The following C8orf34 variants were observed in gnomAD, a reference collection of about 807,000 sequenced individuals.
The protein encoded by C8orf34 is chromosome 8 open reading frame 34.
A neutral mutation model predicts 68.3 loss-of-function variants in C8orf34; 65 were observed. The ratio of observed to expected loss-of-function variants is 0.95; its 90% CI spans 0.78 to 1.17. C8orf34 has a LOEUF of 1.17. Among genes scored for constraint, C8orf34 ranks in the 50% most tolerant of loss-of-function variants. The pLI is 0.00. For synonymous variants in C8orf34, 244 were observed against 241.2 expected (o/e 1.01, Z -0.11); for missense variants, 664 against 655.4 (o/e 1.01, Z -0.14).
At chr8:68,463,440 A>T (rs1811947128) in intron 3 of C8orf34, among the ~76,000 whole-genome samples, 1 of 152,232 alleles carries the variant, frequency 6.6e-6, no homozygotes, top group Non-Finnish European at 1.5e-5. Flanking sequence ...AACTCATTTT[A>T]TGAGGCCAGC....
At chr8:68,503,545 G>A (rs1353460539) in intron 5 of C8orf34, among the ~76,000 whole-genome samples, 1 of 152,104 alleles carries the variant, frequency 6.6e-6, no homozygotes, top group Non-Finnish European at 1.5e-5. Flanking sequence ...TAGATCATAG[G>A]TAGGATGCAG....
At chr8:68,561,755 C>T (rs1197440337) in intron 7 of C8orf34, among the ~76,000 whole-genome samples, 1 of 152,112 alleles carries the variant, frequency 6.6e-6, no homozygotes, top group Admixed American at 6.5e-5. Context: ...AAGACTTCAT[C>T]TCAAAAGAAA....
intron 10 of C8orf34, among the ~76,000 whole-genome samples, chr8:68,743,928 G>C (rs554379428): frequency 6.6e-6 from 1 of 152,316 alleles, no homozygotes; most frequent in South Asian, 2.1e-4. Flanking sequence ...ACCTCTGGGG[G>C]CAGGGCACAG....
intron 1 of C8orf34, among the ~76,000 whole-genome samples, chr8:68,392,162 C>G (rs936136417): frequency 6.6e-6 from 1 of 151,862 alleles, no homozygotes; most frequent in Non-Finnish European, 1.5e-5. Context: ...AATGTTTTCT[C>G]TTATATATTC....
intron 7 of C8orf34, among the ~76,000 whole-genome samples, chr8:68,557,800 G>GA (rs1816299679): frequency 6.6e-6 from 1 of 152,194 alleles, no homozygotes; most frequent in Admixed American, 6.5e-5. Context: ...TAATAACAAA[G>GA]ATGTTTTTCT....
intron 8 of C8orf34, among the ~76,000 whole-genome samples, chr8:68,683,449 C>T (rs531640641): frequency 2.2e-4 from 33 of 151,718 alleles, no homozygotes; most frequent in African/African-American, 7.7e-4. Flanking sequence ...GTACCAACTA[C>T]CTATGTCTCA....
chr8:68,735,380 G>A (rs545777447), intron 10 of C8orf34, among the ~76,000 whole-genome samples: 4 of 152,248 alleles, frequency 2.6e-5, no homozygotes, highest in South Asian at 2.1e-4. Flanking sequence ...TTTTCTTATG[G>A]AGCATTAACG....
rs114759491 is a variant in C8orf34 at position 68,677,281 on chromosome 8, C to G, written c.1242-31713C>G. Among the ~76,000 whole-genome samples, 717 of 152,190 alleles carry G rather than the reference C, an allele frequency of 4.7e-3. 9 individuals carry two copies. The highest frequency in any genetic ancestry group is 0.017 in the African/African-American group (697 of 41,522). ...CCTATGGGATAAAGTGAAAGTGGTA[C>G]TAAGAGGGAAGTTTATAGCTATAAG... On this transcript the variant is annotated intron_variant, in intron 8 of 13. Coordinates refer to ENST00000518698, the MANE Select transcript of C8orf34 (RefSeq NM_052958.4).
At chr8:68,555,145 G>A (rs544860767) in intron 7 of C8orf34, among the ~76,000 whole-genome samples, 2 of 152,010 alleles carry the variant, frequency 1.3e-5, no homozygotes, top group Non-Finnish European at 2.9e-5. Context: ...AGCCCAAAGG[G>A]ATAGTGTGGT....
chr8:68,480,315 G>A (rs1812805211), intron 4 of C8orf34, among the ~76,000 whole-genome samples: 1 of 152,116 alleles, frequency 6.6e-6, no homozygotes, highest in African/African-American at 2.4e-5. Flanking sequence ...TTCACCTCCT[G>A]CCATGGTTCT....
intron 1 of C8orf34, among the ~76,000 whole-genome samples, chr8:68,372,890 G>C (rs753004754): frequency 6.6e-6 from 1 of 152,194 alleles, no homozygotes; most frequent in Non-Finnish European, 1.5e-5. Context: ...GAAGTCAGCT[G>C]ACAAAGGAAA....
intron 4 of C8orf34, among the ~76,000 whole-genome samples, chr8:68,469,670 A>G (rs1005272873): frequency 1.3e-5 from 2 of 151,988 alleles, no homozygotes; most frequent in African/African-American, 4.8e-5. Flanking sequence ...CTTTAGAAGC[A>G]CATTAATGCC....
At chr8:68,485,724 A>T (rs201770122) in intron 4 of C8orf34, among the ~76,000 whole-genome samples, 6 of 147,198 alleles carry the variant, frequency 4.1e-5, no homozygotes, top group Non-Finnish European at 6.0e-5. Context: ...AAAAAAATAA[A>T]AAATAAATAA....
intron 8 of C8orf34, among the ~76,000 whole-genome samples, chr8:68,705,526 A>T (rs898965882): frequency 2.0e-5 from 3 of 152,178 alleles, no homozygotes; most frequent in African/African-American, 7.2e-5. Flanking sequence ...CAAGGCAATT[A>T]GGAGGTCATA....
intron 1 of C8orf34, among the ~76,000 whole-genome samples, chr8:68,386,902 A>C (rs1310033377): frequency 6.6e-6 from 1 of 152,140 alleles, no homozygotes; most frequent in Admixed American, 6.5e-5. Context: ...CAATGAAAGA[A>C]GTCTCCAGAC....
intron 10 of C8orf34, among the ~76,000 whole-genome samples, chr8:68,760,290 G>A (rs1360804260): frequency 6.6e-6 from 1 of 152,142 alleles, no homozygotes; most frequent in Non-Finnish European, 1.5e-5. Flanking sequence ...GTGATTTATA[G>A]GTATTGCCTC....
At chr8:68,629,219 A>G (rs1275906707) in intron 7 of C8orf34, among the ~76,000 whole-genome samples, 1 of 152,138 alleles carries the variant, frequency 6.6e-6, no homozygotes, top group Non-Finnish European at 1.5e-5. Flanking sequence ...CCTTCACTAG[A>G]TCCAGACTTG....
At chr8:68,502,797 T>G (rs1813837519) in intron 5 of C8orf34, among the ~76,000 whole-genome samples, 1 of 152,218 alleles carries the variant, frequency 6.6e-6, no homozygotes, top group Non-Finnish European at 1.5e-5. Context: ...TAATTATCAA[T>G]GCTGCCAACA....
chr8:68,498,458 C>G (rs1460105129), intron 5 of C8orf34, among the ~76,000 whole-genome samples: 1 of 152,174 alleles, frequency 6.6e-6, no homozygotes, highest in East Asian at 1.9e-4. Context: ...ATGAATTACT[C>G]TAAGCCATTA....
Sources: gnomAD v4.1 joint callset for allele counts (sites outside exome capture counted in the v4.1 genomes callset) on GRCh38, gnomAD v4.1.1 for gene constraint, MANE v1.5 for transcripts, NCBI Gene and HGNC (gene_info 2026-07-23, HGNC 2026-07-21) for gene names.